Variants in LINC00632 observed in about 807,000 individuals in gnomAD.
The protein encoded by LINC00632 is long independently transcribed non-coding RNA 632, also known as ALDOA related specific transcript.
At chrX:140,719,763 C>T (rs1383354577) in intron 2 of LINC00632, among the ~76,000 whole-genome samples, 2 of 109,733 alleles carry the variant, frequency 1.8e-5, no homozygotes, top group East Asian at 2.9e-4. Context: ...TAGACTCGCC[C>T]GGAAACACCC....
At chrX:140,738,050 G>A (rs1931169383) in intron 3 of LINC00632, among the ~76,000 whole-genome samples, 1 of 111,935 alleles carries the variant, frequency 8.9e-6, no homozygotes, top group African/African-American at 3.2e-5. Flanking sequence ...TTTAGTACTA[G>A]AATACAGTCC....
At chrX:140,724,750 TACACACACAGACACATTCCATAC>T (rs1930890523) in intron 2 of LINC00632, among the ~76,000 whole-genome samples, 2 of 8,127 alleles carry the variant, frequency 2.5e-4, no homozygotes, top group South Asian at 7.9e-3. Context: ...ATTCCCTACA[TACACACACAGACACATTCCATAC>T]ACACACCCAT....
exon 5 of LINC00632, among the ~76,000 whole-genome samples, chrX:140,781,831 T>G (rs1234813621): frequency 8.9e-6 from 1 of 112,099 alleles, no homozygotes; most frequent in Non-Finnish European, 1.9e-5. Context: ...TGTCTGTGAC[T>G]GCACTACAAT....
rs1215922254 is a variant in LINC00632, at chrX:140,748,886, TA to T, written n.191+14926del. On this transcript the variant is annotated intron_variant and non_coding_transcript_variant, in intron 3 of 4. Transcript: ENST00000648200. ...TATATAAAATGTATATAAAAATATA[TA>T]AAATAAAATATATATATTTTATAAA... 2.5e-4 allele frequency among the ~76,000 whole-genome samples: 26 copies of T among 102,028 alleles called. No individual in the cohort carries two copies. In the South Asian group the frequency reaches 4.1e-3, roughly 16 times the overall value. The allele number at this position is 102,028 out of a possible 115,157, so 88.6% of individuals were successfully genotyped here. A position where few individuals can be genotyped will look rare whatever the true frequency, so the allele number is the denominator to read the frequency against.
chrX:140,730,555 G>A (rs751982036), intron 2 of LINC00632, among the ~76,000 whole-genome samples: 7 of 108,726 alleles, frequency 6.4e-5, no homozygotes, highest in Admixed American at 1.0e-4. Context: ...CCTCATGGTC[G>A]TTATATACTC....
intron 2 of LINC00632, among the ~76,000 whole-genome samples, chrX:140,723,985 A>G (rs1930835599): frequency 5.0e-5 from 1 of 19,940 alleles, no homozygotes; most frequent in Admixed American, 5.7e-4. Context: ...ACACACACAC[A>G]TTCCATACAC....
intron 1 of LINC00632, among the ~76,000 whole-genome samples, chrX:140,711,215 CATT>C (rs1380842645): frequency 9.0e-6 from 1 of 111,228 alleles, no homozygotes; most frequent in East Asian, 2.8e-4. Context: ...ATATCATAGT[CATT>C]GTAGTAAATT....
intron 2 of LINC00632, among the ~76,000 whole-genome samples, chrX:140,712,614 C>A (rs1283780331): frequency 2.7e-5 from 3 of 110,583 alleles, no homozygotes; most frequent in African/African-American, 9.9e-5. Flanking sequence ...CATGCCACCA[C>A]TGCCACTACC....
intron 3 of LINC00632, among the ~76,000 whole-genome samples, chrX:140,749,203 A>T (rs1931374797): frequency 9.0e-6 from 1 of 111,073 alleles, no homozygotes; most frequent in South Asian, 3.7e-4. Context: ...CAGGTGGTTT[A>T]TCCAATTCTG....
At chrX:140,780,937 T>C (rs1274514932) in exon 5 of LINC00632, among the ~76,000 whole-genome samples, 1 of 110,437 alleles carries the variant, frequency 9.1e-6, no homozygotes, top group Non-Finnish European at 1.9e-5. Context: ...GTATTAGGTG[T>C]TCTACTGTAC....
At chrX:140,751,002 G>A (rs900406821) in intron 3 of LINC00632, among the ~76,000 whole-genome samples, 2 of 111,720 alleles carry the variant, frequency 1.8e-5, no homozygotes, top group African/African-American at 6.5e-5. Flanking sequence ...TATACCACAT[G>A]TTCTTTATGC....
At chrX:140,789,719 A>G (rs1479915984) in exon 5 of LINC00632, among the ~76,000 whole-genome samples, 2 of 111,990 alleles carry the variant, frequency 1.8e-5, no homozygotes, top group African/African-American at 6.5e-5. Flanking sequence ...GCAACTTTTC[A>G]TACATTTACT....
exon 5 of LINC00632, among the ~76,000 whole-genome samples, chrX:140,785,678 T>G (rs1218471465): frequency 8.9e-6 from 1 of 112,166 alleles, no homozygotes; most frequent in Admixed American, 9.5e-5. Context: ...GTGCAAACAC[T>G]TTCTGATACC....
chrX:140,778,431 C>T (rs952857064), exon 5 of LINC00632, among the ~76,000 whole-genome samples: 1 of 110,194 alleles, frequency 9.1e-6, no homozygotes, highest in Non-Finnish European at 1.9e-5. Flanking sequence ...ATGGTGAAAC[C>T]CCATCTCTAC....
Position 140,743,718 on chromosome X carries a change from C to A in LINC00632, n.191+9754C>A, listed in dbSNP as rs1057186304. ...GTACCATATTGTGAAGATACAAGCACGTGACCCTGCGAGCAGTTACATCAA... is the reference window on the plus strand; with the variant it reads ...GTACCATATTGTGAAGATACAAGCAAGTGACCCTGCGAGCAGTTACATCAA... On this transcript the variant is annotated intron_variant and non_coding_transcript_variant, in intron 3 of 4. Transcript: ENST00000648200. Among the ~76,000 whole-genome samples, 8 of 111,216 alleles carry A rather than the reference C, an allele frequency of 7.2e-5. 1 individual carries two copies. The highest frequency in any genetic ancestry group is 1.9e-4 in the Admixed American group (2 of 10,361).
chrX:140,768,825 A>G (rs956843219), intron 3 of LINC00632, among the ~76,000 whole-genome samples: 7 of 101,937 alleles, frequency 6.9e-5, no homozygotes, highest in Non-Finnish European at 1.4e-4. Flanking sequence ...ATATTTGTAT[A>G]TATTATATAT....
intron 3 of LINC00632, among the ~76,000 whole-genome samples, chrX:140,766,475 G>A (rs1387238680): frequency 8.9e-6 from 1 of 112,054 alleles, no homozygotes; most frequent in Non-Finnish European, 1.9e-5. Flanking sequence ...ATAAATATCA[G>A]CATCATATCC....
chrX:140,737,367 A>G (rs1229594975), intron 3 of LINC00632, among the ~76,000 whole-genome samples: 1 of 111,827 alleles, frequency 8.9e-6, no homozygotes, highest in Non-Finnish European at 1.9e-5. Context: ...CTTATGAGGT[A>G]CATGTGAAAT....
chrX:140,785,284 A>G (rs1405557729), exon 5 of LINC00632, among the ~76,000 whole-genome samples: 2 of 111,341 alleles, frequency 1.8e-5, no homozygotes, highest in African/African-American at 6.5e-5. Flanking sequence ...TAACTCATTT[A>G]ATCTATTTAA....
Sources: allele counts gnomAD v4.1 joint callset (sites outside exome capture counted in the v4.1 genomes callset), GRCh38; gene constraint gnomAD v4.1.1; transcripts MANE v1.5; gene names NCBI Gene and HGNC (gene_info 2026-07-23, HGNC 2026-07-21).